Variants in DOP1B observed in about 807,000 individuals in gnomAD.
DOP1B encodes DOP1 leucine zipper like protein B.
DOP1B carries 174 observed loss-of-function variants against 233.5 expected under a neutral mutation model. The observed-to-expected ratio is 0.75, with a 90% CI of 0.66 to 0.85. DOP1B has a LOEUF of 0.85. DOP1B is among the 40% of genes least tolerant of loss of function. DOP1B has a pLI of 0.00. For missense variants in DOP1B, 2,652 were observed against 2,846.6 expected (o/e 0.93, Z 1.56); for synonymous variants, 1,190 against 1,185.6 (o/e 1.00, Z -0.08).
In DOP1B at chr21:36,208,898, A is replaced by C; in HGVS notation, c.675A>C (p.Gln225His). 1 of 1,524,584 alleles carries C rather than the reference A, an allele frequency of 6.6e-7. No individual in the cohort carries two copies. Among genetic ancestry groups the C allele is most frequent in the East Asian group, 2.4e-5 (1 of 41,094 alleles). 94.4% of individuals were successfully genotyped at this position (1,524,584 alleles called of 1,614,324 possible). A position where few individuals can be genotyped will look rare whatever the true frequency, so the allele number is the denominator to read the frequency against. ...EQKYMLGTNHQLTVKSLRASL... is the reference protein window; with the variant it reads ...EQKYMLGTNHHLTVKSLRASL... ...AGTACATGCTGGGGACCAATCACCA[A>C]CTCACGGTGGGTGCTGTGTTCCTCA... Residue 225 changes from glutamine (Q) to histidine (H), a missense_variant, in exon 5 of 37, where the codon CAA becomes CAC. This residue lies in a region of DOP1B where 2,617 missense variants were observed against 2,794.3 expected (regional missense o/e 0.94). Transcript: ENST00000691173.
In DOP1B at chr21:36,199,252, G is replaced by A. The variant is rs759590294; in HGVS notation, c.320+1G>A. 6.2e-7 allele frequency: 1 copy of A among 1,611,386 alleles called. No individual in the cohort carries two copies. The highest frequency in any genetic ancestry group is 8.5e-7 in the Non-Finnish European group (1 of 1,178,986). On this transcript the variant is annotated splice_donor_variant, in intron 3 of 36. Transcript: ENST00000691173. LOFTEE classifies it high-confidence loss of function. ...TGGCCAAGGACTTGTTTCTGTACAG[G>A]TGCGATTGCTTCTCTGCTGTGTTCC... is the stretch of plus-strand genomic sequence containing the variant.
At chr21:36,173,971 C>G (rs1009913906) in intron 2 of DOP1B, among the ~76,000 whole-genome samples, 44 of 151,914 alleles carry the variant, frequency 2.9e-4, no homozygotes, top group Admixed American at 7.9e-4. Context: ...CACAGAGCAG[C>G]CATGAACAGG....
chr21:36,260,523 G>T (rs1199850417), intron 23 of DOP1B, among the ~76,000 whole-genome samples, 154 bp from the exon 24 acceptor site: 1 of 152,200 alleles, frequency 6.6e-6, no homozygotes, highest in Non-Finnish European at 1.5e-5. Context: ...AATTGTACAT[G>T]ATGGGCACTA....
intron 16 of DOP1B, 149 bp downstream of exon 16, chr21:36,237,563 T>A: frequency 9.4e-7 from 1 of 1,067,660 alleles, no homozygotes; most frequent in Non-Finnish European, 1.3e-6. Context: ...TTCTAGGATT[T>A]CAGTACTGGA....
intron 18 of DOP1B, among the ~76,000 whole-genome samples, chr21:36,240,494 A>G (rs1017283160): frequency 3.9e-5 from 6 of 152,174 alleles, no homozygotes; most frequent in Non-Finnish European, 8.8e-5. Context: ...ATACATAAAT[A>G]AATAAATAAA....
rs1301635785 is a variant in DOP1B at position 36,245,476 on chromosome 21, C to G, written c.3496C>G (p.Gln1166Glu). 1 of 1,613,780 alleles carries G rather than the reference C, an allele frequency of 6.2e-7. No individual in the cohort carries two copies. The highest frequency in any genetic ancestry group is 8.5e-7 in the Non-Finnish European group (1 of 1,180,054). The change falls in exon 19 of 37, where the codon CAG (glutamine) becomes GAG (glutamate). Residue 1166 changes from glutamine to glutamate, a missense_variant. Physicochemically the swap from Gln to Glu is conservative, Grantham distance 29. Transcript: ENST00000691173. This position sits in a 1 kb window ranked among gnomAD's most constrained non-coding sequence, Gnocchi z 5.5. ...GCGCTCGGCCCTGCTGGCGGCCTTC[C>G]AGTCAGAAAGCTTCAAGGCTGGGGC... ...PKRSALLAAF[Q>E]SESFKAGAKL...
intron 26 of DOP1B, among the ~76,000 whole-genome samples, chr21:36,269,756 CAA>C (rs2067266174): frequency 6.6e-6 from 1 of 151,752 alleles, no homozygotes. Context: ...CTCCTGACCT[CAA>C]GTGATCCCCC....
chr21:36,160,131 A>AAATAAT (rs1555884851), intron 1 of DOP1B, among the ~76,000 whole-genome samples: 1 of 66,454 alleles, frequency 1.5e-5, no homozygotes, highest in Non-Finnish European at 4.6e-5. Context: ...TTTCTGGAAA[A>AAATAAT]AATAATAATA....
At chr21:36,271,331 T>C (rs1601469348) in intron 27 of DOP1B, among the ~76,000 whole-genome samples, 1 of 142,162 alleles carries the variant, frequency 7.0e-6, no homozygotes, top group East Asian at 1.9e-4. Flanking sequence ...TGGAGTGCAG[T>C]GGCGTCATCT....
intron 2 of DOP1B, among the ~76,000 whole-genome samples, chr21:36,197,186 C>T (rs2066300966): frequency 6.6e-6 from 1 of 152,254 alleles, no homozygotes; most frequent in Admixed American, 6.5e-5. Flanking sequence ...CCCACCTCTG[C>T]CTCCCAAAGT....
intron 28 of DOP1B, among the ~76,000 whole-genome samples, chr21:36,277,733 C>T (rs182933625): frequency 1.3e-5 from 2 of 151,888 alleles, no homozygotes; most frequent in East Asian, 1.9e-4. Flanking sequence ...CGGCTCACTG[C>T]AACCTCTGCC....
chr21:36,261,552 C>A, intron 24 of DOP1B: 1 of 985,442 alleles, frequency 1.0e-6, no homozygotes, highest in African/African-American at 1.7e-5. Flanking sequence ...AGAAGCTTTA[C>A]TGGACCTCAT....
chr21:36,279,400 A>G (rs1341019123), intron 30 of DOP1B, among the ~76,000 whole-genome samples: 1 of 152,212 alleles, frequency 6.6e-6, no homozygotes, highest in Non-Finnish European at 1.5e-5. Flanking sequence ...CCTGGGTGAC[A>G]GCACACGACC....
chr21:36,232,501 C>T (rs1173020010), intron 14 of DOP1B, among the ~76,000 whole-genome samples: 3 of 152,142 alleles, frequency 2.0e-5, no homozygotes, highest in South Asian at 4.1e-4. Context: ...GCATCAGTCC[C>T]GTCTCTGCCT....
chr21:36,188,694 G>A (rs1409323172), intron 2 of DOP1B, among the ~76,000 whole-genome samples: 4 of 152,132 alleles, frequency 2.6e-5, no homozygotes, highest in South Asian at 2.1e-4. Flanking sequence ...GCAACTCCTC[G>A]TTTGCTTGGT....
At chr21:36,169,644 G>T in intron 2 of DOP1B, 1 of 914,346 alleles carries the variant, frequency 1.1e-6, no homozygotes, top group Non-Finnish European at 1.8e-6. Flanking sequence ...ATCTCCATCA[G>T]CTGGGCCTTC....
At chr21:36,217,982 C>G (rs1290236049) in intron 9 of DOP1B, among the ~76,000 whole-genome samples, 1 of 152,168 alleles carries the variant, frequency 6.6e-6, no homozygotes, top group Non-Finnish European at 1.5e-5. Flanking sequence ...AAATGAATAT[C>G]ACGCTCCTGC....
At chr21:36,204,066 A>G (rs1569019042) in intron 4 of DOP1B, among the ~76,000 whole-genome samples, 1 of 152,118 alleles carries the variant, frequency 6.6e-6, no homozygotes, top group Non-Finnish European at 1.5e-5. Context: ...AGTAATTTTC[A>G]ATGTAGTAGT....
chr21:36,217,516 A>C (rs892962558), intron 9 of DOP1B, among the ~76,000 whole-genome samples: 1 of 152,176 alleles, frequency 6.6e-6, no homozygotes, highest in African/African-American at 2.4e-5. Context: ...GCACCCCCCG[A>C]TGCTTGCCTG....
Sources: allele counts gnomAD v4.1 joint callset (sites outside exome capture counted in the v4.1 genomes callset), GRCh38; gene constraint gnomAD v4.1.1; regional missense constraint gnomAD v4.1.1; non-coding constraint Gnocchi (gnomAD v3.1); transcripts MANE v1.5; gene names NCBI Gene and HGNC (gene_info 2026-07-23, HGNC 2026-07-21).